MYO1H: variants seen among roughly 807,000 people sequenced by gnomAD.
MYO1H encodes unconventional myosin-Ih.
A neutral mutation model predicts 149.3 loss-of-function variants in MYO1H; 118 were observed. That is an observed-to-expected ratio of 0.79 (90% confidence interval 0.68 to 0.92). The LOEUF is 0.92. MYO1H is among the 40% of genes least tolerant of loss of function. The probability of loss-of-function intolerance (pLI) is 0.00; values close to 1 mark genes in which losing one functional copy is unlikely to be tolerated. For missense variants in MYO1H, 1,212 were observed against 1,280.7 expected, an observed-to-expected ratio of 0.95 and a Z score of 0.82; for synonymous variants, 447 against 465.2, an observed-to-expected ratio of 0.96 and a Z score of 0.50.
intron 15 of MYO1H, among the ~76,000 whole-genome samples, chr12:109,419,694 T>C (rs1240851851): frequency 6.6e-6 from 1 of 151,966 alleles, no homozygotes; most frequent in Non-Finnish European, 1.5e-5. Context: ...ACTACAGGCA[T>C]GCACCACCAC....
At chr12:109,313,726 G>T in the MYO1H span, among the ~76,000 whole-genome samples, 4 of 152,200 alleles carry the variant, frequency 2.6e-5, no homozygotes, top group East Asian at 7.7e-4. Context: ...AATCAAGCCT[G>T]TTATGGACTA....
chr12:109,443,104 GTA>G lies in MYO1H; in HGVS notation c.2689-406_2689-405del, dbSNP rs1491326989. On this transcript the variant is annotated intron_variant, in intron 27 of 31. Coordinates refer to ENST00000310903, the Ensembl canonical transcript of MYO1H. Reference sequence around the variant, plus strand: ...TACGTATGTGTGTATATATGTGTACGTATATGTGTGTATATGTGTACGTATAT... The same window carrying G: ...TACGTATGTGTGTATATATGTGTACGTATGTGTGTATATGTGTACGTATAT... Among the ~76,000 whole-genome samples the G allele has an allele frequency of 3.8e-3, 132 of 34,720 alleles. 7 individuals carry two copies. Among genetic ancestry groups the G allele is most frequent in the Middle Eastern group, 0.028 (2 of 72 alleles). The allele number at this position is 34,720 out of a possible 152,430, so 22.8% of individuals were successfully genotyped here.
chr12:109,420,891 T>C (rs1566036392), intron 15 of MYO1H, 90 bp from the exon 16 acceptor site: 2 of 751,802 alleles, frequency 2.7e-6, no homozygotes, highest in East Asian at 5.1e-5. Context: ...GAAATTCTTT[T>C]TCAGAATTTC....
At chr12:109,427,371 C>T in intron 18 of MYO1H, 98 bp from the exon 19 acceptor site, 1 of 773,754 alleles carries the variant, frequency 1.3e-6, no homozygotes, top group Non-Finnish European at 2.3e-6. Flanking sequence ...GGGGCCAGAC[C>T]CAGCCCACTG....
At chr12:109,397,377 A>G (rs539851194) in intron 4 of MYO1H, among the ~76,000 whole-genome samples, 16 of 152,146 alleles carry the variant, frequency 1.1e-4, no homozygotes, top group African/African-American at 3.6e-4. Context: ...GGACCCTTTG[A>G]GCAGAGCAAC....
intron 1 of MYO1H, among the ~76,000 whole-genome samples, chr12:109,356,768 G>A (rs912373948): frequency 2.6e-5 from 4 of 152,060 alleles, no homozygotes; most frequent in Non-Finnish European, 4.4e-5. Flanking sequence ...ATAATTATAC[G>A]CATTCAGTGG....
chr12:109,415,565 C>T (rs765675092), exon 15 of MYO1H: 10 of 1,608,048 alleles, frequency 6.2e-6, no homozygotes, highest in Middle Eastern at 1.7e-4. Context: ...AGAGGATTGG[C>T]TGGATGGAGT....
At chr12:109,398,177 G>C (rs1333481957) in intron 5 of MYO1H, among the ~76,000 whole-genome samples, 1 of 152,190 alleles carries the variant, frequency 6.6e-6, no homozygotes, top group Non-Finnish European at 1.5e-5. Flanking sequence ...AATGTAAGGT[G>C]CAACCATTCC....
intron 1 of MYO1H, among the ~76,000 whole-genome samples, chr12:109,371,229 T>TTC (rs1868977592): frequency 6.8e-6 from 1 of 147,724 alleles, no homozygotes; most frequent in Non-Finnish European, 1.5e-5. Flanking sequence ...TTTTTTTTTT[T>TTC]TTTTGAAATA....
At chr12:109,360,684 C>T (rs1204732689) in intron 1 of MYO1H, among the ~76,000 whole-genome samples, 2 of 152,088 alleles carry the variant, frequency 1.3e-5, no homozygotes, top group Non-Finnish European at 2.9e-5. Context: ...TAGTCTTGCT[C>T]TTTCTCCATG....
rs537850178 is a variant in MYO1H at position 109,387,170 on chromosome 12, ATCC to A, written c.13-1508_13-1506del. On this transcript the variant is annotated intron_variant, in intron 1 of 31. Transcript: ENST00000310903. The stretch of plus-strand genomic sequence containing the variant: ...GGTCTCCAACTCCTGGCTTTAGACA[ATCC>A]TCCTGCCTCAGCATCCCAGTGTGCT... Among the ~76,000 whole-genome samples, 168 of 152,188 alleles carry A rather than the reference ATCC, an allele frequency of 1.1e-3. 1 individual carries two copies. The highest frequency in any genetic ancestry group is 3.4e-3 in the African/African-American group (142 of 41,522).
chr12:109,399,591 CA>C (rs34417905), intron 5 of MYO1H, among the ~76,000 whole-genome samples: 735 of 70,456 alleles, frequency 0.01, 3 homozygotes, highest in African/African-American at 0.042. Context: ...GACTCTGTCT[CA>C]AAAAAAAAAA....
At chr12:109,327,938 G>C in the MYO1H span, among the ~76,000 whole-genome samples, 1 of 151,476 alleles carries the variant, frequency 6.6e-6, no homozygotes, top group African/African-American at 2.4e-5. Context: ...TGCTTTCTAT[G>C]CATCAACTCT....
intron 22 of MYO1H, among the ~76,000 whole-genome samples, chr12:109,436,860 G>A (rs1023875108): frequency 3.9e-5 from 6 of 152,108 alleles, no homozygotes; most frequent in East Asian, 3.9e-4. Context: ...AGGCTGAGGC[G>A]CGTGGATTAC....
chr12:109,438,300 G>T (rs574073981), intron 22 of MYO1H, among the ~76,000 whole-genome samples: 67 of 152,188 alleles, frequency 4.4e-4, no homozygotes, highest in Non-Finnish European at 7.5e-4. Flanking sequence ...TAATTTCAGG[G>T]CTTCCCTAGA....
chr12:109,418,190 A>G (rs759831659), intron 15 of MYO1H, among the ~76,000 whole-genome samples: 2 of 151,752 alleles, frequency 1.3e-5, no homozygotes, highest in Non-Finnish European at 2.9e-5. Flanking sequence ...CTGATCAGAT[A>G]TACAATTTGC....
intron 3 of MYO1H, among the ~76,000 whole-genome samples, chr12:109,394,676 T>G (rs1426409417): frequency 6.6e-6 from 1 of 152,128 alleles, no homozygotes; most frequent in Admixed American, 6.6e-5. Flanking sequence ...CCCTCTTGAC[T>G]TCTAGGCTAA....
At chr12:109,327,762 GA>G in the MYO1H span, among the ~76,000 whole-genome samples, 1 of 131,278 alleles carries the variant, frequency 7.6e-6, no homozygotes, top group Non-Finnish European at 1.6e-5. Flanking sequence ...AAAAAAGAAA[GA>G]AAAAAAAGAA....
chr12:109,443,355 T>TACAC (rs10545297), intron 27 of MYO1H, among the ~76,000 whole-genome samples, 159 bp from the exon 28 acceptor site: 1,500 of 74,758 alleles, frequency 0.02, 267 homozygotes, highest in Middle Eastern at 0.03. Flanking sequence ...TGTGTGTATA[T>TACAC]ACACACACAC....
Sources: gnomAD v4.1 joint callset for allele counts (sites outside exome capture counted in the v4.1 genomes callset) on GRCh38, gnomAD v4.1.1 for gene constraint, MANE v1.5 for transcripts, NCBI Gene and HGNC (gene_info 2026-07-23, HGNC 2026-07-21) for gene names.